Variants in ZNF728 observed in about 807,000 individuals in gnomAD.
The protein encoded by ZNF728 is zinc finger protein 728.
In ZNF728, 12 loss-of-function variants were observed where a neutral mutation model predicts 12.5. The ratio of observed to expected loss-of-function variants is 0.96; its 90% CI spans 0.61 to 1.55. The LOEUF is 1.55. Ranked by LOEUF, ZNF728 falls within the 40% of genes most tolerant of loss-of-function variation. The probability of loss-of-function intolerance (pLI) is 0.00; values close to 1 mark genes in which losing one functional copy is unlikely to be tolerated. For synonymous variants in ZNF728, 205 were observed against 240.7 expected, an observed-to-expected ratio of 0.85 and a Z score of 1.37; for missense variants, 692 against 719.2, an observed-to-expected ratio of 0.96 and a Z score of 0.43.
Position 22,987,373 on chromosome 19 carries a change from A to G in ZNF728, c.161T>C (p.Ile54Thr). ...GIAAPKPDLIIFLEQGKEPWN... is the reference protein window; with the variant it reads ...GIAAPKPDLITFLEQGKEPWN... Reference sequence around the variant, plus strand: ...GGGCTCTTTTCCTTGCTCCAGAAAAATGATCAGGTCTGGCTTAGGGGCAGC... The same window carrying G: ...GGGCTCTTTTCCTTGCTCCAGAAAAGTGATCAGGTCTGGCTTAGGGGCAGC... The change falls in exon 3 of 4, where the codon ATT (isoleucine) becomes ACT (threonine). Residue 54 changes from isoleucine to threonine, a missense_variant. Ile to Thr is a moderately conservative substitution (Grantham distance 89, BLOSUM62 -1). Transcript: ENST00000594710. 1 of 1,612,102 alleles carries G rather than the reference A, an allele frequency of 6.2e-7. No homozygotes were observed. Among genetic ancestry groups the G allele is most frequent in the South Asian group, 1.1e-5 (1 of 90,752 alleles).
intron 3 of ZNF728, chr19:22,985,632 C>T (rs1166634503): frequency 3.3e-5 from 5 of 152,240 alleles, no homozygotes; most frequent in South Asian, 2.1e-4. Context: ...CCAACTTGGT[C>T]CCACTGAAAA....
chr19:22,985,177 C>T (rs1413533758), intron 3 of ZNF728, among the ~76,000 whole-genome samples: 3 of 152,030 alleles, frequency 2.0e-5, no homozygotes, highest in Non-Finnish European at 4.4e-5. Context: ...TAACATTATG[C>T]AAAATGAAAT....
chr19:22,984,736 T>G (rs953514527), intron 3 of ZNF728, among the ~76,000 whole-genome samples: 11 of 152,014 alleles, frequency 7.2e-5, no homozygotes, highest in Non-Finnish European at 1.6e-4. Context: ...TAATGAAATG[T>G]TTTTCAAATT....
chr19:22,976,463 C>T lies in ZNF728; in HGVS notation c.874G>A (p.Ala292Thr), dbSNP rs1454070172. The change falls in exon 4 of 4, where the codon GCC becomes ACC. Residue 292 changes from alanine to threonine, a missense_variant. Physicochemically the swap from Ala to Thr is moderately conservative, Grantham distance 58 (BLOSUM62 0). Around this residue, in one of 3 missense-constraint regions of ZNF728, gnomAD observed 440 missense variants for 459.6 expected, o/e 0.96. Coordinates refer to ENST00000594710, the MANE Select transcript of ZNF728 (RefSeq NM_001267716.2). ...KPYKCEECGK[A>T]FSKASTLTAH... ...GTAAGGGTTGAGGCCTTACTAAAGGCTTTGCCACATTCTTCACATTTGTAG... is the reference window on the plus strand; with the variant it reads ...GTAAGGGTTGAGGCCTTACTAAAGGTTTTGCCACATTCTTCACATTTGTAG... 3 of 1,612,750 alleles carry T rather than the reference C, an allele frequency of 1.9e-6. No homozygotes were observed. Among genetic ancestry groups the T allele is most frequent in the African/African-American group, 1.3e-5 (1 of 74,806 alleles).
intron 1 of ZNF728, among the ~76,000 whole-genome samples, chr19:22,991,017 A>T (rs1393103373): frequency 2.0e-5 from 3 of 152,176 alleles, no homozygotes; most frequent in Admixed American, 2.0e-4. Context: ...TGGGCTTATT[A>T]TTACCCTTAA....
At chr19:23,000,966 G>C (rs1437076109) in intron 1 of ZNF728, among the ~76,000 whole-genome samples, 1 of 149,930 alleles carries the variant, frequency 6.7e-6, no homozygotes, top group East Asian at 2.0e-4. Flanking sequence ...TCTGACTCAT[G>C]TGTCAAGTCA....
At position 22,975,712 on chromosome 19, in the gene ZNF728, C is replaced by T. The variant is rs748059623; in HGVS notation, c.1625G>A (p.Gly542Asp). ...GEKQYKCEEC[G>D]KAFIWSSRLS... is the part of the protein sequence containing the mutation. Reference sequence around the variant, plus strand: ...TCTTGAGGACCAGATGAAGGCTTTGCCACATTCTTCACATTTGTATTGTTT... The same window carrying T: ...TCTTGAGGACCAGATGAAGGCTTTGTCACATTCTTCACATTTGTATTGTTT... Residue 542 changes from glycine (G) to aspartate (D), a missense_variant, in exon 4 of 4, where the codon GGC (glycine) becomes GAC (aspartate). Around this residue, in one of 3 missense-constraint regions of ZNF728, gnomAD observed 244 missense variants for 235.2 expected, o/e 1.04. Transcript: ENST00000594710. 3.7e-6 allele frequency: 6 copies of T among 1,611,662 alleles called. No homozygotes were observed. In the South Asian group the frequency reaches 5.5e-5, roughly 15 times the overall value.
Position 22,988,356 on chromosome 19 carries a change from C to A in ZNF728, c.99G>T (p.Met33Ile). Residue 33 changes from methionine to isoleucine, a missense_variant, in exon 2 of 4, where the codon ATG (methionine) becomes ATT (isoleucine). Physicochemically the swap from Met to Ile is conservative, Grantham distance 10. Around this residue, in one of 3 missense-constraint regions of ZNF728, gnomAD observed 440 missense variants for 459.6 expected, o/e 0.96. Coordinates refer to ENST00000594710, the MANE Select transcript of ZNF728 (RefSeq NM_001267716.2). ...AGACCAGGTTTCTGTAGTTCTCTAA[C>A]ATCACATTCCTATATAAATTCTGCT... ...TAQQNLYRNV[M>I]LENYRNLVFL... 6.2e-7 allele frequency: 1 copy of A among 1,614,160 alleles called. No homozygotes were observed. The highest frequency in any genetic ancestry group is 8.5e-7 in the Non-Finnish European group (1 of 1,180,006).
rs1968785623 is a variant in ZNF728, at chr19:22,975,650, G to A, written c.1687C>T (p.Pro563Ser). 1.2e-6 allele frequency: 2 copies of A among 1,611,964 alleles called. No homozygotes were observed. Among genetic ancestry groups the A allele is most frequent in the Non-Finnish European group, 8.5e-7 (1 of 1,179,846 alleles). ...TTGCCACATTCTTCACATTTGTAGGGTTTCTCTCCAGTATGAATTCTCTTA... is the reference window on the plus strand; with the variant it reads ...TTGCCACATTCTTCACATTTGTAGGATTTCTCTCCAGTATGAATTCTCTTA... ...EHKRIHTGEK[P>S]YKCEECGKAF... The change falls in exon 4 of 4, where the codon CCC becomes TCC. Residue 563 changes from proline to serine, a missense_variant. Transcript: ENST00000594710.
chr19:22,997,656 C>T (rs1020127482), intron 1 of ZNF728, among the ~76,000 whole-genome samples: 37 of 150,590 alleles, frequency 2.5e-4, no homozygotes, highest in South Asian at 4.2e-4. Context: ...TAACCAAAAT[C>T]GGATCTGAAC....
At chr19:22,988,188 CT>C (rs1176199289) in intron 2 of ZNF728, 136 bp downstream of exon 2, 170 of 1,492,386 alleles carry the variant, frequency 1.1e-4, no homozygotes, top group African/African-American at 1.4e-5. Context: ...AAAGAGCCCC[CT>C]GGTGCCGTCT....
At chr19:22,994,292 C>T (rs1969025458) in intron 1 of ZNF728, among the ~76,000 whole-genome samples, 1 of 152,188 alleles carries the variant, frequency 6.6e-6, no homozygotes, top group Admixed American at 6.5e-5. Context: ...CAATTGTGAA[C>T]TGACTGGAAG....
intron 1 of ZNF728, among the ~76,000 whole-genome samples, chr19:22,993,589 A>G (rs1457824331): frequency 6.6e-6 from 1 of 152,224 alleles, no homozygotes; most frequent in Non-Finnish European, 1.5e-5. Flanking sequence ...CAGCACTTAC[A>G]AGTGGATTTG....
At chr19:23,001,140 G>A (rs1969110081) in intron 1 of ZNF728, among the ~76,000 whole-genome samples, 1 of 152,030 alleles carries the variant, frequency 6.6e-6, no homozygotes, top group African/African-American at 2.4e-5. Flanking sequence ...TTTTGTCTTT[G>A]GAGTGCTATT....
chr19:22,976,800 G>A lies in ZNF728; in HGVS notation c.537C>T (p.Val179=). Residue 179 remains valine (V), a synonymous_variant, in exon 4 of 4, where the codon GTC becomes GTT. Transcript: ENST00000594710. ...GGTGTGAAAGCATGCAAAATGATCT[G>A]ACATATTCTTTACATTTCAAAAGTT... ...GKKLLKCKEY[V]RSFCMLSHLS... is the part of the protein sequence containing the mutation. 1 of 1,613,446 alleles carries A rather than the reference G, an allele frequency of 6.2e-7. No homozygotes were observed. Among genetic ancestry groups the A allele is most frequent in the Non-Finnish European group, 8.5e-7 (1 of 1,179,820 alleles).
chr19:23,000,404 A>C (rs1349403999), intron 1 of ZNF728, among the ~76,000 whole-genome samples: 2 of 151,776 alleles, frequency 1.3e-5, no homozygotes, highest in Non-Finnish European at 2.9e-5. Flanking sequence ...AAAAAAAAAA[A>C]CACCAGAGAA....
chr19:22,981,050 C>T (rs1968856415), intron 3 of ZNF728, among the ~76,000 whole-genome samples: 1 of 150,050 alleles, frequency 6.7e-6, no homozygotes, highest in Non-Finnish European at 1.5e-5. Context: ...GAGAGACAGA[C>T]ACAAAATACC....
chr19:23,001,066 C>G (rs1380091907), intron 1 of ZNF728, among the ~76,000 whole-genome samples: 1 of 131,372 alleles, frequency 7.6e-6, no homozygotes, highest in Non-Finnish European at 1.6e-5. Context: ...TGAACTATGC[C>G]CCAGAGTGCC....
chr19:22,978,160 T>C (rs965805666), intron 3 of ZNF728, among the ~76,000 whole-genome samples: 1 of 151,962 alleles, frequency 6.6e-6, no homozygotes, highest in Non-Finnish European at 1.5e-5. Flanking sequence ...ATAATCACAA[T>C]TTGAACAGTT....
Sources: gnomAD v4.1 joint callset for allele counts (sites outside exome capture counted in the v4.1 genomes callset) on GRCh38, gnomAD v4.1.1 for gene constraint, gnomAD v4.1.1 regional missense constraint, MANE v1.5 for transcripts, NCBI Gene and HGNC (gene_info 2026-07-23, HGNC 2026-07-21) for gene names.